The following ATP6V1C2 variants were observed in gnomAD, a reference collection of about 807,000 sequenced individuals.
ATP6V1C2 encodes the protein V-type proton ATPase subunit C 2.
ATP6V1C2 carries 45 observed loss-of-function variants against 56.8 expected under a neutral mutation model. That is an observed-to-expected ratio of 0.79 (90% CI 0.62 to 1.02). ATP6V1C2 has a LOEUF of 1.02. Ranked by LOEUF, ATP6V1C2 falls within the 50% of genes least tolerant of loss-of-function variation. The pLI is 0.00. For missense variants in ATP6V1C2, 463 were observed against 519.7 expected (o/e 0.89, Z 1.06); for synonymous variants, 220 against 201.3 (o/e 1.09, Z -0.79).
chr2:10,782,365 G>A lies in ATP6V1C2; in HGVS notation c.1184G>A (p.Ser395Asn). The A allele has an allele frequency of 6.2e-7, 1 of 1,614,174 alleles. No individual in the cohort carries two copies. The highest frequency in any genetic ancestry group is 2.2e-5 in the East Asian group (1 of 44,884). Residue 395 changes from serine (S) to asparagine (N), a missense_variant, in exon 13 of 14, where the codon AGT becomes AAT. Transcript: ENST00000272238. Reference sequence around the variant, plus strand: ...CATCTGGATGAAGTAGCCGCTACAAGTATACTGGATGTAGGTATCCAGAAA... The same window carrying A: ...CATCTGGATGAAGTAGCCGCTACAAATATACTGGATGTAGGTATCCAGAAA... The part of the protein sequence containing the change: ...FRHLDEVAAT[S>N]ILDASVEIPG...
chr2:10,722,883 G>A lies in ATP6V1C2; in HGVS notation c.34G>A (p.Asp12Asn). The A allele has an allele frequency of 6.2e-7, 1 of 1,614,080 alleles. No homozygotes were observed. The highest frequency in any genetic ancestry group is 8.5e-7 in the Non-Finnish European group (1 of 1,180,006). The part of the protein sequence containing the change: ...SEFWLISAPG[D>N]KENLQALERM... ...GTTTTGGTTAATTTCTGCCCCTGGCGATAAGGAAAATTTGCAAGCTCTGGA... is the reference window on the plus strand; with the variant it reads ...GTTTTGGTTAATTTCTGCCCCTGGCAATAAGGAAAATTTGCAAGCTCTGGA... Residue 12 changes from aspartate to asparagine, a missense_variant, in exon 2 of 14, where the codon GAT (aspartate) becomes AAT (asparagine). Physicochemically the swap from Asp to Asn is conservative, Grantham distance 23. Coordinates refer to ENST00000272238, the MANE Select transcript of ATP6V1C2 (RefSeq NM_001039362.2).
chr2:10,742,851 G>T (rs1033339589), intron 3 of ATP6V1C2, among the ~76,000 whole-genome samples: 1 of 152,182 alleles, frequency 6.6e-6, no homozygotes, highest in Non-Finnish European at 1.5e-5. Flanking sequence ...GATTTGTGAA[G>T]CTCCTGGGCG....
chr2:10,765,795 T>A (rs1289628964), intron 5 of ATP6V1C2, among the ~76,000 whole-genome samples: 1 of 152,110 alleles, frequency 6.6e-6, no homozygotes, highest in East Asian at 1.9e-4. Flanking sequence ...ATGTGCCAAT[T>A]TGGGATTCTC....
At chr2:10,751,099 A>G (rs1663188026) in intron 3 of ATP6V1C2, among the ~76,000 whole-genome samples, 2 of 152,214 alleles carry the variant, frequency 1.3e-5, no homozygotes, top group South Asian at 4.1e-4. Context: ...GAGGCTCATT[A>G]TAGGGAGACA....
intron 3 of ATP6V1C2, among the ~76,000 whole-genome samples, chr2:10,752,037 C>T (rs149797346): frequency 6.6e-6 from 1 of 152,060 alleles, no homozygotes; most frequent in East Asian, 1.9e-4. Context: ...CCCATCCTAC[C>T]TGGGTGACAG....
upstream of ATP6V1C2, among the ~76,000 whole-genome samples, chr2:10,721,411 G>A (rs577732428): frequency 6.6e-6 from 1 of 152,210 alleles, no homozygotes; most frequent in South Asian, 2.1e-4. Flanking sequence ...CGTGGGACGC[G>A]CCGCAGAAGC....
chr2:10,768,333 A>G (rs1664364519), intron 5 of ATP6V1C2: 1 of 215,776 alleles, frequency 4.6e-6, no homozygotes, highest in Non-Finnish European at 9.2e-6. Flanking sequence ...GGCACAGCCG[A>G]GCCAGGAGAC....
In ATP6V1C2 at chr2:10,783,312, C is replaced by A; in HGVS notation, c.*49C>A. The A allele has an allele frequency of 8.0e-7, 1 of 1,244,318 alleles. No homozygotes were observed. The highest frequency in any genetic ancestry group is 1.2e-6 in the Non-Finnish European group (1 of 847,410). The allele number at this position is 1,244,318 out of a possible 1,614,324, so 77.1% of individuals were successfully genotyped here. A position where few individuals can be genotyped will look rare whatever the true frequency, so the allele number is the denominator to read the frequency against. ...TCATGTTCGTGCAGATTATTACAGACACCTCTTTCCTTTAGCCAGAGAATG... is the reference window on the plus strand; with the variant it reads ...TCATGTTCGTGCAGATTATTACAGAAACCTCTTTCCTTTAGCCAGAGAATG... On this transcript the variant is annotated 3_prime_UTR_variant, in exon 14 of 14. Transcript: ENST00000272238.
rs940566814 is a variant in ATP6V1C2 at position 10,777,617 on chromosome 2, A to T, written c.858A>T (p.Ser286=). Residue 286 remains serine, a synonymous_variant, in exon 11 of 14, where the codon TCA becomes TCT. Coordinates refer to ENST00000272238, the MANE Select transcript of ATP6V1C2 (RefSeq NM_001039362.2). ...QTSCVALKKG[S]STFPDHKVKV... ...CCTGTGTTGCTCTTAAAAAGGGATCATCCACCTTCCCGGACCACAAGGTTA... is the reference window on the plus strand; with the variant it reads ...CCTGTGTTGCTCTTAAAAAGGGATCTTCCACCTTCCCGGACCACAAGGTTA... 1 of 1,613,920 alleles carries T rather than the reference A, an allele frequency of 6.2e-7. No homozygotes were observed. Among genetic ancestry groups the T allele is most frequent in the African/African-American group, 1.3e-5 (1 of 74,922 alleles).
At chr2:10,742,559 C>T (rs1027499910) in intron 3 of ATP6V1C2, among the ~76,000 whole-genome samples, 13 of 152,192 alleles carry the variant, frequency 8.5e-5, no homozygotes, top group African/African-American at 2.2e-4. Context: ...TAGGCACCCG[C>T]CGGCTGCTCC....
In ATP6V1C2 at chr2:10,784,218, C is replaced by T. The variant is rs565556427; in HGVS notation, c.*955C>T. 2 of 1,542,604 alleles carry T rather than the reference C, an allele frequency of 1.3e-6. No homozygotes were observed. ...TCACTGCTGGAAAAATCCACTGGCT[C>T]CCAAGAAAAGAAAATGGTCTGAAGC... On this transcript the variant is annotated 3_prime_UTR_variant, in exon 14 of 14. Coordinates refer to ENST00000272238, the MANE Select transcript of ATP6V1C2 (RefSeq NM_001039362.2).
intron 4 of ATP6V1C2, among the ~76,000 whole-genome samples, chr2:10,761,938 G>C (rs1214654108): frequency 1.3e-5 from 2 of 152,138 alleles, no homozygotes; most frequent in South Asian, 4.1e-4. Context: ...TTTGGTTGCC[G>C]GGCAGGTTCC....
rs556325717 is a variant in ATP6V1C2 at position 10,736,855 on chromosome 2, T to G, written c.197+10286T>G. Among the ~76,000 whole-genome samples the G allele has an allele frequency of 1.7e-4, 24 of 143,534 alleles. No individual in the cohort carries two copies. The East Asian group carries it at 5.3e-3, about 32-fold the overall frequency. The allele number at this position is 143,534 out of a possible 152,430, so 94.2% of individuals were successfully genotyped here. A position where few individuals can be genotyped will look rare whatever the true frequency, so the allele number is the denominator to read the frequency against. ...TCGAACTCCTGGGCTCAAGCCATCCTCCTGCCTCAGACTCTTGAGTAGCTG... is the reference window on the plus strand; with the variant it reads ...TCGAACTCCTGGGCTCAAGCCATCCGCCTGCCTCAGACTCTTGAGTAGCTG... On this transcript the variant is annotated intron_variant, in intron 3 of 13. Coordinates refer to ENST00000272238, the MANE Select transcript of ATP6V1C2 (RefSeq NM_001039362.2).
At position 10,784,487 on chromosome 2, in the gene ATP6V1C2, C is replaced by T. The variant is rs141845870; in HGVS notation, c.*1224C>T. On this transcript the variant is annotated 3_prime_UTR_variant, in exon 14 of 14. Transcript: ENST00000272238. ...CCTGACCTTCGTACCTATGATTATA[C>T]GGATGGAAAAGCTCAGAACTCAGGT... The T allele has an allele frequency of 3.6e-3, 2,063 of 565,234 alleles. 10 individuals are homozygous for T. Among genetic ancestry groups the T allele is most frequent in the African/African-American group, 0.012 (647 of 53,240 alleles). 35.0% of individuals were successfully genotyped at this position (565,234 alleles called of 1,614,324 possible). A position where few individuals can be genotyped will look rare whatever the true frequency, so the allele number is the denominator to read the frequency against.
At chr2:10,779,576 C>T (rs1665219950) in intron 12 of ATP6V1C2, among the ~76,000 whole-genome samples, 1 of 148,868 alleles carries the variant, frequency 6.7e-6, no homozygotes, top group Non-Finnish European at 1.5e-5. Flanking sequence ...GTACTGGCTA[C>T]TTGGGAGGCT....
At chr2:10,752,367 TGGGGTGGCCAGC>T (rs1407960697) in intron 3 of ATP6V1C2, among the ~76,000 whole-genome samples, 1 of 152,190 alleles carries the variant, frequency 6.6e-6, no homozygotes, top group Non-Finnish European at 1.5e-5. Context: ...TCTGAGTGGC[TGGGGTGGCCAGC>T]GTCTGCAGCA....
chr2:10,724,015 G>A (rs1307300864), intron 2 of ATP6V1C2, among the ~76,000 whole-genome samples: 7 of 151,762 alleles, frequency 4.6e-5, no homozygotes, highest in Non-Finnish European at 1.0e-4. Context: ...ACCTGCCTCG[G>A]CCTCCCAAAG....
chr2:10,781,427 G>A (rs553749860), intron 12 of ATP6V1C2, among the ~76,000 whole-genome samples: 24 of 152,042 alleles, frequency 1.6e-4, no homozygotes, highest in East Asian at 5.8e-4. Context: ...GCAGTGAGCC[G>A]AGATCGCACC....
chr2:10,746,124 C>T (rs551271478), intron 3 of ATP6V1C2, among the ~76,000 whole-genome samples: 4 of 151,972 alleles, frequency 2.6e-5, no homozygotes, highest in African/African-American at 7.2e-5. Flanking sequence ...CTCAGCCTCC[C>T]GAGTAGCTGG....
Sources: allele counts gnomAD v4.1 joint callset (sites outside exome capture counted in the v4.1 genomes callset), GRCh38; gene constraint gnomAD v4.1.1; transcripts MANE v1.5; gene names NCBI Gene and HGNC (gene_info 2026-07-23, HGNC 2026-07-21).